Variants in CDIN1 observed in about 807,000 individuals in gnomAD.
CDIN1 encodes CDAN1-interacting nuclease 1.
In CDIN1, 33 loss-of-function variants were observed where a neutral mutation model predicts 45.3. That is an observed-to-expected ratio of 0.73 (90% confidence interval 0.55 to 0.97). The LOEUF (loss-of-function observed/expected upper bound fraction) is 0.97. Among genes scored for constraint, CDIN1 ranks in the 50% least tolerant of loss-of-function variants. The pLI is 0.00. For missense variants in CDIN1, 303 were observed against 339.4 expected, an observed-to-expected ratio of 0.89 and a Z score of 0.84; for synonymous variants, 118 against 124.4, an observed-to-expected ratio of 0.95 and a Z score of 0.34.
chr15:36,579,828 T>C lies in CDIN1; in HGVS notation c.-33T>C. Reference sequence around the variant, plus strand: ...ACTTGAGCCCCAGGGTGTTTTTTCCTTGTTCCCGCCACCTCCTGGTCCCTG... The same window carrying C: ...ACTTGAGCCCCAGGGTGTTTTTTCCCTGTTCCCGCCACCTCCTGGTCCCTG... On this transcript the variant is annotated 5_prime_UTR_variant, in exon 1 of 11. Transcript: ENST00000566621. 1 of 1,582,168 alleles carries C rather than the reference T, an allele frequency of 6.3e-7. No homozygotes were observed. The highest frequency in any genetic ancestry group is 8.6e-7 in the Non-Finnish European group (1 of 1,160,462).
intron 10 of CDIN1, among the ~76,000 whole-genome samples, chr15:36,766,993 G>A (rs1188718857): frequency 6.6e-6 from 1 of 152,118 alleles, no homozygotes; most frequent in Non-Finnish European, 1.5e-5. Flanking sequence ...TTGGTGTCAT[G>A]TCTAGGAAAT....
At position 36,800,903 on chromosome 15, in the gene CDIN1, GTGTGTGTATA is replaced by G. The variant is rs1393996941; in HGVS notation, c.717-7419_717-7410del. 8.3e-3 allele frequency among the ~76,000 whole-genome samples: 166 copies of G among 20,024 alleles called. 1 individual carries two copies. Among genetic ancestry groups the G allele is most frequent in the Non-Finnish European group, 0.014 (127 of 8,966 alleles). 13.1% of individuals were successfully genotyped at this position (20,024 alleles called of 152,430 possible). On this transcript the variant is annotated intron_variant, in intron 10 of 10. Coordinates refer to ENST00000566621, the MANE Select transcript of CDIN1 (RefSeq NM_001321759.2). Reference sequence around the variant, plus strand: ...TATGTGTGTGTGTGTGTGTGTGTGTGTGTGTGTATATATATATATATATATATATATATAT... The same window carrying G: ...TATGTGTGTGTGTGTGTGTGTGTGTGTATATATATATATATATATATATAT...
chr15:36,666,504 A>G (rs1483681108), intron 5 of CDIN1, among the ~76,000 whole-genome samples: 4 of 152,138 alleles, frequency 2.6e-5, no homozygotes, highest in Non-Finnish European at 5.9e-5. Context: ...TGTCAGAACA[A>G]TGTTCTTGGT....
At chr15:36,617,528 A>T in intron 1 of CDIN1, 1 of 828,034 alleles carries the variant, frequency 1.2e-6, no homozygotes, top group Non-Finnish European at 2.2e-6. Context: ...TCTCAAATGG[A>T]TAGTGATCAG....
At chr15:36,788,106 ATTTTTTTT>A (rs1172040193) in intron 10 of CDIN1, among the ~76,000 whole-genome samples, 69 of 50,454 alleles carry the variant, frequency 1.4e-3, no homozygotes, top group African/African-American at 5.1e-3. Context: ...ATATATATAT[ATTTTTTTT>A]TTTTTTTTTT....
intron 10 of CDIN1, among the ~76,000 whole-genome samples, chr15:36,765,974 T>TA (rs1203243542): frequency 6.6e-6 from 1 of 152,202 alleles, no homozygotes; most frequent in Non-Finnish European, 1.5e-5. Context: ...ACCATATTGC[T>TA]AACTATAGGT....
chr15:36,760,348 T>G (rs1399998082), intron 10 of CDIN1, among the ~76,000 whole-genome samples: 2 of 152,206 alleles, frequency 1.3e-5, no homozygotes, highest in Admixed American at 6.5e-5. Flanking sequence ...TTCTGCACCA[T>G]GATGTGACTT....
intron 10 of CDIN1, among the ~76,000 whole-genome samples, chr15:36,791,174 T>C (rs1157554008): frequency 6.6e-6 from 1 of 152,000 alleles, no homozygotes; most frequent in African/African-American, 2.4e-5. Context: ...ATTCAGCCCA[T>C]CTTACATATG....
At chr15:36,702,228 C>A in intron 8 of CDIN1, 1 of 668,206 alleles carries the variant, frequency 1.5e-6, no homozygotes. Flanking sequence ...TTTAGAGTAA[C>A]AGGAACATGA....
Position 36,619,515 on chromosome 15 carries a change from CT to C in CDIN1, c.102-24762del, listed in dbSNP as rs1454096310. Among the ~76,000 whole-genome samples, 17 of 151,392 alleles carry C rather than the reference CT, an allele frequency of 1.1e-4. No homozygotes were observed. In the South Asian group the frequency reaches 1.5e-3, roughly 13 times the overall value. On this transcript the variant is annotated intron_variant, in intron 1 of 10. Transcript: ENST00000566621. Reference sequence around the variant, plus strand: ...TCTATCTATCTATCTATCTATCTATCTATCCATCCATCCACACACACATATA... The same window carrying C: ...TCTATCTATCTATCTATCTATCTATCATCCATCCATCCACACACACATATA...
At position 36,640,826 on chromosome 15, in the gene CDIN1, G is replaced by C. The variant is rs528647433; in HGVS notation, c.102-3452G>C. 1.1e-4 allele frequency among the ~76,000 whole-genome samples: 16 copies of C among 152,280 alleles called. 1 individual carries two copies. The highest frequency in any genetic ancestry group is 6.8e-3 in the Middle Eastern group (2 of 294). On this transcript the variant is annotated intron_variant, in intron 1 of 10. Transcript: ENST00000566621. ...CGAGTATCTTAGCTGGGTGGACTTG[G>C]GAGCACATTTAGTTAAATATCACAT... is the stretch of plus-strand genomic sequence containing the variant.
intron 5 of CDIN1, among the ~76,000 whole-genome samples, chr15:36,667,888 A>G (rs1473342154): frequency 2.0e-5 from 3 of 152,170 alleles, no homozygotes; most frequent in African/African-American, 7.2e-5. Flanking sequence ...ATAAAATACA[A>G]CACGTCAAGT....
chr15:36,588,284 C>A (rs979205408), intron 1 of CDIN1, among the ~76,000 whole-genome samples: 47 of 151,972 alleles, frequency 3.1e-4, no homozygotes, highest in Non-Finnish European at 5.0e-4. Context: ...ATTGAGGGAG[C>A]ATTGCAATGC....
At chr15:36,731,713 A>T (rs2140912247) in intron 10 of CDIN1, among the ~76,000 whole-genome samples, 1 of 152,310 alleles carries the variant, frequency 6.6e-6, no homozygotes, top group African/African-American at 2.4e-5. Flanking sequence ...ACTCAACTTA[A>T]TATTTAAGCT....
intron 5 of CDIN1, among the ~76,000 whole-genome samples, chr15:36,689,597 G>T (rs1357003902): frequency 6.6e-6 from 1 of 152,226 alleles, no homozygotes; most frequent in Non-Finnish European, 1.5e-5. Context: ...AGAAGGTAAT[G>T]AAAGGTATGG....
chr15:36,736,077 C>G (rs2044006799), intron 10 of CDIN1, among the ~76,000 whole-genome samples: 1 of 152,164 alleles, frequency 6.6e-6, no homozygotes, highest in African/African-American at 2.4e-5. Context: ...TTTGGTTACT[C>G]CTAAACAGTT....
At chr15:36,703,913 A>T (rs1486151334) in intron 8 of CDIN1, among the ~76,000 whole-genome samples, 1 of 152,240 alleles carries the variant, frequency 6.6e-6, no homozygotes, top group South Asian at 2.1e-4. Context: ...TTGGAATTGG[A>T]AAGGGCTCTA....
intron 10 of CDIN1, among the ~76,000 whole-genome samples, chr15:36,732,304 A>G (rs909234162): frequency 6.6e-5 from 10 of 152,250 alleles, no homozygotes; most frequent in East Asian, 1.9e-4. Flanking sequence ...GAAAGGGAGG[A>G]ACTGTACTAG....
At chr15:36,801,690 C>T (rs1034396240) in intron 10 of CDIN1, among the ~76,000 whole-genome samples, 2 of 152,190 alleles carry the variant, frequency 1.3e-5, no homozygotes, top group African/African-American at 4.8e-5. Flanking sequence ...AACCCCTTCA[C>T]AGCGTGAGAC....
Sources: gnomAD v4.1 joint callset for allele counts (sites outside exome capture counted in the v4.1 genomes callset) on GRCh38, gnomAD v4.1.1 for gene constraint, MANE v1.5 for transcripts, NCBI Gene and HGNC (gene_info 2026-07-23, HGNC 2026-07-21) for gene names.